Variants in CRB1 observed in about 807,000 individuals in gnomAD.
The protein encoded by CRB1 is protein crumbs homolog 1.
In CRB1, 83 loss-of-function variants were observed where a neutral mutation model predicts 120.0. That is an observed-to-expected ratio of 0.69 (90% CI 0.58 to 0.83). The LOEUF (loss-of-function observed/expected upper bound fraction) is 0.83, where lower values mean the gene tolerates loss of function less well. Among genes scored for constraint, CRB1 ranks in the 40% least tolerant of loss-of-function variants. The pLI is 0.00. For synonymous variants in CRB1, 625 were observed against 612.5 expected, an observed-to-expected ratio of 1.02 and a Z score of -0.30; for missense variants, 1,699 against 1,687.6, an observed-to-expected ratio of 1.01 and a Z score of -0.12.
chr1:197,253,352 T>A, the CRB1 span, among the ~76,000 whole-genome samples: 1 of 152,128 alleles, frequency 6.6e-6, no homozygotes, highest in African/African-American at 2.4e-5. Context: ...TATGAAGTTG[T>A]CTCTGAACTT....
rs201893755 is a variant in CRB1, at chr1:197,328,614, C to A, written c.263C>A (p.Thr88Asn). The change falls in exon 2 of 12, where the codon ACC becomes AAC. Residue 88 changes from threonine (T) to asparagine (N), a missense_variant. Transcript: ENST00000367400. ...CAAGGAAGTGCCACTTGTGTGAACACCCCAGGAGAAAGGAGCTTTCTGTGC... is the reference window on the plus strand; with the variant it reads ...CAAGGAAGTGCCACTTGTGTGAACAACCCAGGAGAAAGGAGCTTTCTGTGC... ...PCQGSATCVN[T>N]PGERSFLCKC... 2 of 1,614,214 alleles carry A rather than the reference C, an allele frequency of 1.2e-6. No individual in the cohort carries two copies. Among genetic ancestry groups the A allele is most frequent in the Non-Finnish European group, 1.7e-6 (2 of 1,180,036 alleles).
chr1:197,435,142 G>A lies in CRB1; in HGVS notation c.3279G>A (p.Leu1093=). The change falls in exon 9 of 12, where the codon CTG becomes CTA. Residue 1093 remains leucine, a synonymous_variant. Transcript: ENST00000367400. ...GAGCTATTGACAATATAAAGGGCCT[G>A]CAAGGGTGTCTAAGTACAATAGAAA... ...GDRAIDNIKG[L]QGCLSTIEIG... 6.2e-7 allele frequency: 1 copy of A among 1,613,880 alleles called. No homozygotes were observed. The highest frequency in any genetic ancestry group is 8.5e-7 in the Non-Finnish European group (1 of 1,179,842).
At chr1:197,216,900 T>G in the CRB1 span, among the ~76,000 whole-genome samples, 1 of 151,968 alleles carries the variant, frequency 6.6e-6, no homozygotes, top group African/African-American at 2.4e-5. Context: ...ATTCAAGCCC[T>G]TCTCATAAAA....
At chr1:197,419,375 T>G (rs1445368953) in intron 5 of CRB1, among the ~76,000 whole-genome samples, 6 of 151,996 alleles carry the variant, frequency 3.9e-5, no homozygotes, top group Non-Finnish European at 7.4e-5. Flanking sequence ...TTTTTTTTTT[T>G]TTTTGAGACA....
chr1:197,444,100 T>C (rs1265081028), intron 11 of CRB1: 1 of 152,154 alleles, frequency 6.6e-6, no homozygotes, highest in African/African-American at 2.4e-5. Flanking sequence ...TGTTTTTTTG[T>C]GAGAATGACC....
rs535722829 is a variant in CRB1, at chr1:197,405,795, G to A, written c.1172-15205G>A. ...CATCTGAGAAGTGAGGAGCCCCTCC[G>A]CCCGGTAGCTGCCCCGTCTGAGAAG... On this transcript the variant is annotated intron_variant, in intron 5 of 11. Transcript: ENST00000367400. Among the ~76,000 whole-genome samples, 32 of 151,482 alleles carry A rather than the reference G, an allele frequency of 2.1e-4. No homozygotes were observed. The East Asian group carries it at 5.5e-3, about 26-fold the overall frequency.
the CRB1 span, among the ~76,000 whole-genome samples, chr1:197,235,638 G>A: frequency 3.9e-5 from 6 of 152,136 alleles, no homozygotes; most frequent in Non-Finnish European, 8.8e-5. Context: ...AGAGGCTTGA[G>A]CAATCCAACA....
At chr1:197,347,223 T>G in intron 3 of CRB1, 117 bp from the exon 4 acceptor site, 1 of 878,970 alleles carries the variant, frequency 1.1e-6, no homozygotes, top group East Asian at 2.4e-5. Flanking sequence ...CCAGAGTTTT[T>G]GAGGTAGTAA....
chr1:197,443,397 C>T (rs1378189658), intron 11 of CRB1: 1 of 151,970 alleles, frequency 6.6e-6, no homozygotes, highest in Non-Finnish European at 1.5e-5. Context: ...TATTTCCTTT[C>T]CTGCAATACT....
At chr1:197,286,754 A>G (rs1655848266) in intron 1 of CRB1, among the ~76,000 whole-genome samples, 1 of 151,920 alleles carries the variant, frequency 6.6e-6, no homozygotes, top group African/African-American at 2.4e-5. Flanking sequence ...TGATTTAATG[A>G]AGAAATCACT....
intron 1 of CRB1, among the ~76,000 whole-genome samples, chr1:197,288,027 C>T (rs1049267011): frequency 2.6e-5 from 4 of 151,714 alleles, no homozygotes; most frequent in Non-Finnish European, 5.9e-5. Context: ...AGTTTCCGGG[C>T]AACAGCACAG....
upstream of CRB1, among the ~76,000 whole-genome samples, chr1:197,265,252 C>T (rs974155324): frequency 1.3e-5 from 2 of 151,988 alleles, no homozygotes; most frequent in Non-Finnish European, 2.9e-5. Context: ...TTCTGAACTA[C>T]TCTTTTCTTT....
the CRB1 span, among the ~76,000 whole-genome samples, chr1:197,247,919 T>G: frequency 6.6e-6 from 1 of 152,028 alleles, no homozygotes; most frequent in Non-Finnish European, 1.5e-5. Flanking sequence ...AATAGGTGCT[T>G]TGGTCAATAT....
chr1:197,237,949 T>C, the CRB1 span, among the ~76,000 whole-genome samples: 1 of 152,174 alleles, frequency 6.6e-6, no homozygotes, highest in Admixed American at 6.5e-5. Context: ...AATTATGGAT[T>C]TGAGACTTAT....
chr1:197,314,002 G>A (rs1402056705), intron 1 of CRB1, among the ~76,000 whole-genome samples: 1 of 152,100 alleles, frequency 6.6e-6, no homozygotes, highest in South Asian at 2.1e-4. Flanking sequence ...GTTTAAAAAC[G>A]CCTGGCTAAG....
At chr1:197,468,267 C>A (rs1273501582) in intron 11 of CRB1, among the ~76,000 whole-genome samples, 1 of 151,950 alleles carries the variant, frequency 6.6e-6, no homozygotes, top group Non-Finnish European at 1.5e-5. Flanking sequence ...CTAACACCAC[C>A]CATATGGAAC....
chr1:197,241,919 T>C, the CRB1 span, among the ~76,000 whole-genome samples: 1 of 152,114 alleles, frequency 6.6e-6, no homozygotes, highest in African/African-American at 2.4e-5. Flanking sequence ...CCCTTGCAAG[T>C]TGTATTCCTA....
intron 1 of CRB1, among the ~76,000 whole-genome samples, chr1:197,271,402 C>A (rs982520181): frequency 1.3e-5 from 2 of 152,108 alleles, no homozygotes; most frequent in Non-Finnish European, 2.9e-5. Context: ...TTTGATCAAC[C>A]TTTATGTCCT....
At chr1:197,331,858 G>A (rs768906918) in intron 2 of CRB1, among the ~76,000 whole-genome samples, 1 of 152,020 alleles carries the variant, frequency 6.6e-6, no homozygotes, top group Non-Finnish European at 1.5e-5. Context: ...AATCCTTTCA[G>A]TCGTCTAAAT....
Sources: allele counts gnomAD v4.1 joint callset (sites outside exome capture counted in the v4.1 genomes callset), GRCh38; gene constraint gnomAD v4.1.1; transcripts MANE v1.5; gene names NCBI Gene and HGNC (gene_info 2026-07-23, HGNC 2026-07-21).